The following IL1RAPL1 variants were observed in gnomAD, a reference collection of about 807,000 sequenced individuals.
The protein encoded by IL1RAPL1 is interleukin 1 receptor accessory protein like 1, also known as interleukin-1 receptor accessory protein-like 1.
Under a neutral mutation model 48.4 loss-of-function variants are expected in IL1RAPL1, and 3 were observed. That is an observed-to-expected ratio of 0.06 (90% CI 0.03 to 0.16). The LOEUF (loss-of-function observed/expected upper bound fraction) is 0.16. IL1RAPL1 is among the 10% of genes least tolerant of loss of function. The probability of loss-of-function intolerance (pLI) is 1.00; values close to 1 mark genes in which losing one functional copy is unlikely to be tolerated. For missense variants in IL1RAPL1, 349 were observed against 530.6 expected (o/e 0.66, Z 3.36); for synonymous variants, 185 against 187.7 (o/e 0.99, Z 0.12).
chrX:28,948,389 C>G (rs1924362256), intron 2 of IL1RAPL1, among the ~76,000 whole-genome samples: 1 of 110,366 alleles, frequency 9.1e-6, no homozygotes. Context: ...TTCTTTAGAC[C>G]CATTCACTGT....
intron 5 of IL1RAPL1, among the ~76,000 whole-genome samples, chrX:29,660,302 G>A (rs1925803713): frequency 8.9e-6 from 1 of 111,859 alleles, no homozygotes; most frequent in Non-Finnish European, 1.9e-5. Context: ...TCTTCACTTT[G>A]TTAACTGTTT....
chrX:29,268,283 A>T (rs925435578), intron 2 of IL1RAPL1, among the ~76,000 whole-genome samples: 3 of 112,373 alleles, frequency 2.7e-5, no homozygotes, highest in African/African-American at 9.7e-5. Flanking sequence ...AAAGGTGTTG[A>T]TTATTCAGTA....
chrX:28,732,870 ATAATAATAATAATTAATAATTTGTT>A (rs1935772317), intron 1 of IL1RAPL1, among the ~76,000 whole-genome samples: 1 of 111,500 alleles, frequency 9.0e-6, no homozygotes, highest in Non-Finnish European at 1.9e-5. Flanking sequence ...TCTGTCTTAA[ATAATAATAATAATTAATAATTTGTT>A]TCAAAATACA....
chrX:29,484,808 A>C (rs1461011697), intron 5 of IL1RAPL1, among the ~76,000 whole-genome samples: 1 of 112,012 alleles, frequency 8.9e-6, no homozygotes, highest in Non-Finnish European at 1.9e-5. Context: ...CAAATGCAAA[A>C]TAAATAATAT....
chrX:28,820,966 G>T (rs1212629795), intron 2 of IL1RAPL1, among the ~76,000 whole-genome samples: 1 of 111,645 alleles, frequency 9.0e-6, no homozygotes, highest in African/African-American at 3.3e-5. Flanking sequence ...CCTTGTGATA[G>T]AGAGTACAAA....
At chrX:29,354,193 C>T (rs1226496331) in intron 3 of IL1RAPL1, among the ~76,000 whole-genome samples, 4 of 110,174 alleles carry the variant, frequency 3.6e-5, no homozygotes, top group African/African-American at 9.9e-5. Flanking sequence ...TCCAGTATAC[C>T]GATACAGATG....
intron 6 of IL1RAPL1, among the ~76,000 whole-genome samples, chrX:29,843,825 A>G (rs1037965369): frequency 4.6e-5 from 5 of 107,761 alleles, no homozygotes; most frequent in Admixed American, 2.0e-4. Flanking sequence ...TACTTCCATC[A>G]TCACATCTCC....
chrX:29,851,372 G>A (rs559779538), intron 6 of IL1RAPL1, among the ~76,000 whole-genome samples: 1 of 110,985 alleles, frequency 9.0e-6, no homozygotes, highest in Non-Finnish European at 1.9e-5. Context: ...CCCAAATATC[G>A]CCCGATTATA....
chrX:29,697,726 C>T (rs943669056), intron 6 of IL1RAPL1, among the ~76,000 whole-genome samples: 8 of 112,085 alleles, frequency 7.1e-5, no homozygotes, highest in African/African-American at 2.6e-4. Flanking sequence ...TAATGAATCA[C>T]CAAGTTCTAT....
intron 1 of IL1RAPL1, among the ~76,000 whole-genome samples, chrX:28,640,725 A>T (rs1406591655): frequency 2.7e-4 from 1 of 3,673 alleles, no homozygotes; most frequent in Non-Finnish European, 8.8e-4. Context: ...CAGGAAATTA[A>T]AAAAAAAAAA....
At chrX:29,145,262 A>G (rs1929329129) in intron 2 of IL1RAPL1, among the ~76,000 whole-genome samples, 1 of 111,977 alleles carries the variant, frequency 8.9e-6, no homozygotes, top group Admixed American at 9.5e-5. Context: ...ATGATGCCTT[A>G]TGAGTGAAGA....
Position 28,691,233 on chromosome X carries a change from T to TAATAA in IL1RAPL1, c.-24-98086_-24-98085insATAAA, listed in dbSNP as rs1935175523. Among the ~76,000 whole-genome samples, 3 of 111,206 alleles carry TAATAA rather than the reference T, an allele frequency of 2.7e-5. No individual in the cohort carries two copies. In the Admixed American group the frequency reaches 2.9e-4, roughly 11 times the overall value. The stretch of plus-strand genomic sequence containing the variant: ...GCCTCACCAACTTCTTTAAGTCATT[T>TAATAA]ATAAGTGTCAGTCCTTCCCAACCCC... On this transcript the variant is annotated intron_variant, in intron 1 of 10. Coordinates refer to ENST00000378993, the MANE Select transcript of IL1RAPL1 (RefSeq NM_014271.4).
In IL1RAPL1 at chrX:29,283,066, G is replaced by A. The variant is rs1006110350; in HGVS notation, c.211G>A (p.Gly71Arg). The A allele has an allele frequency of 5.8e-6, 7 of 1,209,717 alleles. No homozygotes were observed. In the African/African-American group the frequency reaches 7.0e-5, roughly 12 times the overall value. The change falls in exon 3 of 11, where the codon GGA becomes AGA. Residue 71 changes from glycine (G) to arginine (R), a missense_variant. Physicochemically the swap from Gly to Arg is moderately radical, Grantham distance 125. Transcript: ENST00000378993. Reference protein sequence around the residue: ...RTNYSLAQSAGLSLMWYKSSG... With the variant: ...RTNYSLAQSARLSLMWYKSSG... ...AAATTACTCCCTTGCCCAAAGTGCT[G>A]GACTCAGTTTGATGTGGTACAAAAG...
chrX:29,815,751 T>C (rs1447355545), intron 6 of IL1RAPL1, among the ~76,000 whole-genome samples: 2 of 111,328 alleles, frequency 1.8e-5, no homozygotes, highest in African/African-American at 3.3e-5. Flanking sequence ...TTATGTTCCC[T>C]AGATGCCTAG....
chrX:29,632,712 T>C (rs779871600), intron 5 of IL1RAPL1, among the ~76,000 whole-genome samples: 185 of 111,407 alleles, frequency 1.7e-3, no homozygotes, highest in Non-Finnish European at 2.5e-3. Flanking sequence ...AATCTGAGCT[T>C]TACGTGGGTG....
At chrX:28,625,737 CGTGTGTGTGTGTGT>C (rs112613600) in intron 1 of IL1RAPL1, among the ~76,000 whole-genome samples, 15 of 99,316 alleles carry the variant, frequency 1.5e-4, no homozygotes, top group African/African-American at 4.8e-4. Flanking sequence ...AATCAAAATG[CGTGTGTGTGTGTGT>C]GTGTGTGTGT....
At chrX:29,373,866 A>ATTTTTTTTTTT (rs1933579571) in intron 3 of IL1RAPL1, among the ~76,000 whole-genome samples, 1 of 23,496 alleles carries the variant, frequency 4.3e-5, no homozygotes, top group Admixed American at 4.6e-4. Context: ...CTCTCTTTTT[A>ATTTTTTTTTTT]ATTTTTTTTT....
At chrX:29,451,685 A>C (rs965898081) in intron 5 of IL1RAPL1, among the ~76,000 whole-genome samples, 1 of 111,468 alleles carries the variant, frequency 9.0e-6, no homozygotes, top group African/African-American at 3.3e-5. Context: ...ATGTAGCTCT[A>C]TATGTTTTGT....
intron 1 of IL1RAPL1, among the ~76,000 whole-genome samples, chrX:28,762,725 G>A (rs1033483313): frequency 4.7e-5 from 5 of 106,654 alleles, no homozygotes; most frequent in African/African-American, 1.7e-4. Flanking sequence ...TCTAGTTGAA[G>A]GTTCCTGAAA....
Sources: gnomAD v4.1 joint callset for allele counts (sites outside exome capture counted in the v4.1 genomes callset) on GRCh38, gnomAD v4.1.1 for gene constraint, MANE v1.5 for transcripts, NCBI Gene and HGNC (gene_info 2026-07-23, HGNC 2026-07-21) for gene names.